Variants in LCLAT1 observed in about 807,000 individuals in gnomAD.
LCLAT1 encodes lysocardiolipin acyltransferase 1, also known as 1-AGP acyltransferase 8.
A neutral mutation model predicts 30.7 loss-of-function variants in LCLAT1; 11 were observed. The ratio of observed to expected loss-of-function variants is 0.36; its 90% CI spans 0.23 to 0.59. The LOEUF (loss-of-function observed/expected upper bound fraction) is 0.59, where lower values mean the gene tolerates loss of function less well. Ranked by LOEUF, LCLAT1 falls within the 20% of genes least tolerant of loss-of-function variation. The pLI is 0.77. For missense variants in LCLAT1, 402 were observed against 458.6 expected (o/e 0.88, Z 1.13); for synonymous variants, 155 against 151.3 (o/e 1.02, Z -0.18).
intron 5 of LCLAT1, among the ~76,000 whole-genome samples, chr2:30,613,044 G>A (rs11895131): frequency 0.083 from 12,667 of 152,206 alleles, 566 homozygotes; most frequent in East Asian, 0.11. Context: ...GAATTTGGGG[G>A]AAGAGGATCC....
At chr2:30,500,702 C>G (rs745655951) in intron 1 of LCLAT1, among the ~76,000 whole-genome samples, 1 of 151,802 alleles carries the variant, frequency 6.6e-6, no homozygotes, top group East Asian at 1.9e-4. Context: ...AGAGGGAAAC[C>G]GATTTAAATA....
intron 5 of LCLAT1, among the ~76,000 whole-genome samples, chr2:30,583,928 G>T (rs1387755337): frequency 6.6e-6 from 1 of 151,654 alleles, no homozygotes; most frequent in East Asian, 1.9e-4. Context: ...TAAGTTCCAG[G>T]ATACATATGC....
chr2:30,518,788 T>A (rs1175390100), intron 1 of LCLAT1, among the ~76,000 whole-genome samples: 2 of 152,204 alleles, frequency 1.3e-5, no homozygotes, highest in Non-Finnish European at 2.9e-5. Context: ...CAATTCTTGT[T>A]TGCCTTTGAT....
chr2:30,555,124 C>T (rs1033943301), intron 3 of LCLAT1, among the ~76,000 whole-genome samples: 6 of 151,834 alleles, frequency 4.0e-5, no homozygotes, highest in Non-Finnish European at 8.8e-5. Flanking sequence ...ATAAATTATC[C>T]GATTAGGAAA....
intron 1 of LCLAT1, among the ~76,000 whole-genome samples, chr2:30,488,324 C>CT (rs1683659740): frequency 1.3e-5 from 2 of 152,210 alleles, no homozygotes; most frequent in African/African-American, 4.8e-5. Context: ...TGTGTGCAAT[C>CT]TTCATAGCTT....
At chr2:30,577,808 CTT>C (rs1290073017) in intron 5 of LCLAT1, among the ~76,000 whole-genome samples, 1 of 151,968 alleles carries the variant, frequency 6.6e-6, no homozygotes, top group Non-Finnish European at 1.5e-5. Flanking sequence ...TCTTCTTCTT[CTT>C]TGTCTTTGAC....
At chr2:30,583,733 A>G (rs575100887) in intron 5 of LCLAT1, among the ~76,000 whole-genome samples, 1 of 152,130 alleles carries the variant, frequency 6.6e-6, no homozygotes, top group African/African-American at 2.4e-5. Flanking sequence ...GTCTTTACCA[A>G]TACTGTTAAA....
intron 1 of LCLAT1, among the ~76,000 whole-genome samples, chr2:30,471,507 G>T (rs1292287913): frequency 6.6e-6 from 1 of 152,202 alleles, no homozygotes; most frequent in East Asian, 1.9e-4. Flanking sequence ...ACTGTGCCTG[G>T]CCAGTATTGT....
intron 1 of LCLAT1, among the ~76,000 whole-genome samples, chr2:30,469,574 C>CTTTTTTT (rs199634493): frequency 7.7e-5 from 8 of 103,804 alleles, no homozygotes; most frequent in East Asian, 2.5e-4. Context: ...CAGGTCTCTT[C>CTTTTTTT]TTTTTTTTTT....
intron 3 of LCLAT1, among the ~76,000 whole-genome samples, chr2:30,546,576 A>G (rs1180030236): frequency 6.6e-6 from 1 of 152,246 alleles, no homozygotes; most frequent in Non-Finnish European, 1.5e-5. Flanking sequence ...GTATTTATAA[A>G]CATTACAATA....
At chr2:30,630,869 A>G (rs1369359381) in intron 5 of LCLAT1, among the ~76,000 whole-genome samples, 1 of 152,204 alleles carries the variant, frequency 6.6e-6, no homozygotes, top group Non-Finnish European at 1.5e-5. Context: ...GTCCACATAT[A>G]TATCAGTCAG....
chr2:30,602,368 G>T (rs961786835), intron 5 of LCLAT1, among the ~76,000 whole-genome samples: 1 of 152,154 alleles, frequency 6.6e-6, no homozygotes, highest in Non-Finnish European at 1.5e-5. Context: ...CAGATCCAAA[G>T]TATTTTAACT....
intron 1 of LCLAT1, among the ~76,000 whole-genome samples, chr2:30,455,870 A>G (rs375816741): frequency 5.2e-5 from 7 of 134,064 alleles, no homozygotes; most frequent in African/African-American, 1.7e-4. Flanking sequence ...TGATCATGCC[A>G]CTCAACTCCA....
chr2:30,630,311 C>T (rs1668709811), intron 5 of LCLAT1, among the ~76,000 whole-genome samples: 1 of 152,246 alleles, frequency 6.6e-6, no homozygotes, highest in Non-Finnish European at 1.5e-5. Context: ...GGGGTTAGGG[C>T]ATCAACATAA....
intron 3 of LCLAT1, among the ~76,000 whole-genome samples, chr2:30,551,433 T>A (rs1327167526): frequency 6.6e-6 from 1 of 152,212 alleles, no homozygotes; most frequent in African/African-American, 2.4e-5. Context: ...GCCCCATCCC[T>A]AGACTCAGCA....
intron 5 of LCLAT1, among the ~76,000 whole-genome samples, chr2:30,619,338 C>G (rs1029820059): frequency 6.6e-6 from 1 of 152,136 alleles, no homozygotes; most frequent in African/African-American, 2.4e-5. Context: ...AACACCAAAA[C>G]CATAGCATTC....
chr2:30,606,718 C>A (rs1572689561), intron 5 of LCLAT1: 1 of 151,196 alleles, frequency 6.6e-6, no homozygotes, highest in African/African-American at 2.4e-5. Flanking sequence ...CAATTGCAAC[C>A]AAAGCAAAAA....
At chr2:30,539,467 A>G (rs759229080) in intron 3 of LCLAT1, among the ~76,000 whole-genome samples, 1 of 152,096 alleles carries the variant, frequency 6.6e-6, no homozygotes, top group Admixed American at 6.5e-5. Context: ...ATGTTTAGTC[A>G]GGATCTAGAC....
chr2:30,534,385 C>T (rs886990849), intron 3 of LCLAT1, among the ~76,000 whole-genome samples: 1 of 152,120 alleles, frequency 6.6e-6, no homozygotes. Context: ...TCACGCTGTT[C>T]TCCTGGCTTA....
Sources: allele counts gnomAD v4.1 joint callset (sites outside exome capture counted in the v4.1 genomes callset), GRCh38; gene constraint gnomAD v4.1.1; transcripts MANE v1.5; gene names NCBI Gene and HGNC (gene_info 2026-07-23, HGNC 2026-07-21).